The following NUP205 variants were observed in gnomAD, a reference collection of about 807,000 sequenced individuals.
NUP205 encodes nuclear pore complex protein Nup205.
A neutral mutation model predicts 253.8 loss-of-function variants in NUP205; 76 were observed. That is an observed-to-expected ratio of 0.30 (90% CI 0.25 to 0.36). The LOEUF is 0.36. Ranked by LOEUF, NUP205 falls within the 10% of genes least tolerant of loss-of-function variation. The pLI, the probability that NUP205 is intolerant of heterozygous loss-of-function variation, is 1.00. For missense variants in NUP205, 2,162 were observed against 2,425.5 expected, an observed-to-expected ratio of 0.89 and a Z score of 2.28; for synonymous variants, 832 against 850.1, an observed-to-expected ratio of 0.98 and a Z score of 0.37.
chr7:135,624,787 T>A (rs1033968716), intron 31 of NUP205, among the ~76,000 whole-genome samples: 1 of 152,190 alleles, frequency 6.6e-6, no homozygotes, highest in African/African-American at 2.4e-5. Flanking sequence ...AACCTAGTTA[T>A]TATTTTTCTG....
At chr7:135,570,623 A>C (rs1380392026) in intron 1 of NUP205, among the ~76,000 whole-genome samples, 1 of 140,434 alleles carries the variant, frequency 7.1e-6, no homozygotes, top group Non-Finnish European at 1.5e-5. Flanking sequence ...AATCAGTTAC[A>C]ACATTGATAT....
chr7:135,568,734 C>T (rs1805856522), intron 1 of NUP205, among the ~76,000 whole-genome samples: 1 of 152,150 alleles, frequency 6.6e-6, no homozygotes, highest in Non-Finnish European at 1.5e-5. Context: ...AGTTTGAAAG[C>T]ACTACTCCTA....
At chr7:135,645,406 G>T in intron 40 of NUP205, 62 bp from the exon 41 acceptor site, 2 of 1,552,728 alleles carry the variant, frequency 1.3e-6, no homozygotes, top group Non-Finnish European at 1.8e-6. Context: ...CTTCTCCTCC[G>T]AAACTGGTGT....
intron 22 of NUP205, among the ~76,000 whole-genome samples, chr7:135,607,835 A>G (rs922804986): frequency 2.0e-5 from 3 of 151,970 alleles, no homozygotes; most frequent in Admixed American, 1.3e-4. Flanking sequence ...AAGGGGTCTC[A>G]CTGTCACCCA....
chr7:135,597,000 G>T (rs1195099083), intron 13 of NUP205, among the ~76,000 whole-genome samples: 1 of 151,788 alleles, frequency 6.6e-6, no homozygotes, highest in Non-Finnish European at 1.5e-5. Context: ...TTCCTTTTGG[G>T]TTTTTTGTGC....
At chr7:135,642,072 T>C (rs1199965978) in intron 38 of NUP205, among the ~76,000 whole-genome samples, 1 of 151,872 alleles carries the variant, frequency 6.6e-6, no homozygotes, top group Non-Finnish European at 1.5e-5. Flanking sequence ...CTGGCCATCA[T>C]GGTGAAACCC....
At chr7:135,646,545 C>A (rs1795014397) in intron 42 of NUP205, among the ~76,000 whole-genome samples, 1 of 152,092 alleles carries the variant, frequency 6.6e-6, no homozygotes, top group Admixed American at 6.5e-5. Context: ...GGCAACAGAG[C>A]AAGACCTTGT....
chr7:135,611,530 G>A (rs1028242399), intron 22 of NUP205, among the ~76,000 whole-genome samples: 1 of 151,976 alleles, frequency 6.6e-6, no homozygotes, highest in African/African-American at 2.4e-5. Context: ...CTTTCTCTTT[G>A]TGTATATACA....
At chr7:135,632,892 CT>C (rs893597721) in intron 35 of NUP205, among the ~76,000 whole-genome samples, 1 of 152,146 alleles carries the variant, frequency 6.6e-6, no homozygotes. Flanking sequence ...CCTGCCCATC[CT>C]TTTTAATTGA....
At chr7:135,646,338 G>A in intron 42 of NUP205, 107 bp downstream of exon 42, 1 of 798,574 alleles carries the variant, frequency 1.3e-6, no homozygotes, top group Non-Finnish European at 2.1e-6. Context: ...CGAGACGGGA[G>A]GATTGCTTGA....
rs759684893 is a variant in NUP205, at chr7:135,597,421, A to G, written c.2064+3A>G. 9.4e-6 allele frequency: 15 copies of G among 1,596,898 alleles called. No homozygotes were observed. Among genetic ancestry groups the G allele is most frequent in the Non-Finnish European group, 1.3e-5 (15 of 1,164,438 alleles). ...AAAGGCAAGCTATTGGTATTGAGGT[A>G]AAGTTTTCCTTTTAGTTTAAATGTT... is the stretch of plus-strand genomic sequence containing the variant. On this transcript the variant is annotated splice_donor_region_variant and intron_variant, in intron 14 of 42. Coordinates refer to ENST00000285968, the MANE Select transcript of NUP205 (RefSeq NM_015135.3).
chr7:135,618,652 T>A, intron 28 of NUP205, 49 bp downstream of exon 28: 1 of 1,432,258 alleles, frequency 7.0e-7, no homozygotes, highest in Non-Finnish European at 9.4e-7. Flanking sequence ...ATGTATCATT[T>A]AAACAAATAT....
chr7:135,619,912 C>A, intron 30 of NUP205, 24 bp downstream of exon 30: 1 of 1,445,294 alleles, frequency 6.9e-7, no homozygotes, highest in Non-Finnish European at 9.6e-7. Context: ...AATTCCTAAT[C>A]TTTTCTGGAT....
chr7:135,593,005 C>T lies in NUP205; in HGVS notation c.1643C>T (p.Ala548Val). Residue 548 changes from alanine (A) to valine (V), a missense_variant, in exon 12 of 43, where the codon GCA becomes GTA. Transcript: ENST00000285968. Reference sequence around the variant, plus strand: ...TTTATAGTTGAAAATATTCAGGGAGCAGGTGGCAGTCCTGTTTCCTGGGAA... The same window carrying T: ...TTTATAGTTGAAAATATTCAGGGAGTAGGTGGCAGTCCTGTTTCCTGGGAA... The part of the protein sequence containing the change: ...GSSHVENIQG[A>V]GGSPVSWEHF... The T allele has an allele frequency of 6.2e-7, 1 of 1,612,248 alleles. No individual in the cohort carries two copies. The highest frequency in any genetic ancestry group is 1.3e-5 in the African/African-American group (1 of 74,958).
At chr7:135,645,932 T>C in intron 41 of NUP205, 1 of 585,718 alleles carries the variant, frequency 1.7e-6, no homozygotes, top group Non-Finnish European at 3.0e-6. Flanking sequence ...TGGCCATATA[T>C]TGGATCCCTT....
chr7:135,582,473 A>G (rs1207921204), intron 7 of NUP205, among the ~76,000 whole-genome samples: 1 of 152,174 alleles, frequency 6.6e-6, no homozygotes, highest in African/African-American at 2.4e-5. Flanking sequence ...ATTTTGTATA[A>G]TATGGGTAGA....
intron 38 of NUP205, 117 bp from the exon 39 acceptor site, chr7:135,643,075 A>T: frequency 1.1e-6 from 1 of 938,228 alleles, no homozygotes; most frequent in Non-Finnish European, 1.6e-6. Flanking sequence ...GGTTGGTTTT[A>T]ATGACAGGTT....
chr7:135,623,238 G>A (rs112366511), intron 31 of NUP205, among the ~76,000 whole-genome samples: 5 of 152,238 alleles, frequency 3.3e-5, no homozygotes, highest in African/African-American at 7.2e-5. Flanking sequence ...AGCTGTGATC[G>A]AGGCACTTCA....
intron 38 of NUP205, 118 bp downstream of exon 38, chr7:135,638,801 C>A: frequency 9.7e-7 from 1 of 1,028,788 alleles, no homozygotes; most frequent in Non-Finnish European, 1.5e-6. Context: ...TAATGGGAAA[C>A]ATTTTAAATA....
Sources: allele counts gnomAD v4.1 joint callset (sites outside exome capture counted in the v4.1 genomes callset), GRCh38; gene constraint gnomAD v4.1.1; transcripts MANE v1.5; gene names NCBI Gene and HGNC (gene_info 2026-07-23, HGNC 2026-07-21).